The following GAB2 variants were observed in gnomAD, a reference collection of about 807,000 sequenced individuals.
GAB2 encodes GRB2-associated-binding protein 2.
GAB2 carries 26 observed loss-of-function variants against 65.5 expected under a neutral mutation model. The observed-to-expected ratio is 0.40, with a 90% confidence interval of 0.29 to 0.55. The LOEUF (loss-of-function observed/expected upper bound fraction) is 0.55. Among genes scored for constraint, GAB2 ranks in the 20% least tolerant of loss-of-function variants. The pLI is 0.53. For synonymous variants in GAB2, 321 were observed against 329.6 expected (o/e 0.97, Z 0.28); for missense variants, 884 against 875.8 (o/e 1.01, Z -0.12).
At chr11:78,268,924 T>C (rs1865938757) in intron 2 of GAB2, among the ~76,000 whole-genome samples, 1 of 152,078 alleles carries the variant, frequency 6.6e-6, no homozygotes, top group Non-Finnish European at 1.5e-5. Context: ...ATGTCTGAAC[T>C]CACGGCCTGT....
intron 1 of GAB2, among the ~76,000 whole-genome samples, chr11:78,366,899 G>A (rs368316247): frequency 2.0e-5 from 3 of 151,788 alleles, no homozygotes; most frequent in African/African-American, 4.8e-5. Context: ...TATTCACAAA[G>A]TTACATGAGA....
intron 3 of GAB2, among the ~76,000 whole-genome samples, chr11:78,235,721 A>G (rs1280831135): frequency 6.6e-6 from 1 of 152,162 alleles, no homozygotes; most frequent in East Asian, 1.9e-4. Context: ...CCTCATCTCC[A>G]TCTGAGACCA....
intron 1 of GAB2, among the ~76,000 whole-genome samples, chr11:78,366,987 A>T (rs2134723441): frequency 6.6e-6 from 1 of 152,232 alleles, no homozygotes; most frequent in South Asian, 2.1e-4. Flanking sequence ...GATGCAAAAA[A>T]ATACAAGACA....
rs58668713 is a variant in GAB2, at chr11:78,370,712, C to CCTGTGTGTATGTGTGTGTGTGTGT, written c.75+46933_75+46934insACACACACACACACATACACACAG. ...ACTACTAATATTGTATGTGTGTGTG[C>CCTGTGTGTATGTGTGTGTGTGTGT]GTGTGTGTGTGTATGTGTGTGTGTG... On this transcript the variant is annotated intron_variant, in intron 1 of 9. Coordinates refer to ENST00000361507, the MANE Select transcript of GAB2 (RefSeq NM_080491.3). Among the ~76,000 whole-genome samples, 299 of 123,284 alleles carry CCTGTGTGTATGTGTGTGTGTGTGT rather than the reference C, an allele frequency of 2.4e-3. 3 individuals are homozygous for CCTGTGTGTATGTGTGTGTGTGTGT. The highest frequency in any genetic ancestry group is 8.3e-3 in the African/African-American group (289 of 34,640). The allele number at this position is 123,284 out of a possible 152,430, so 80.9% of individuals were successfully genotyped here. A position where few individuals can be genotyped will look rare whatever the true frequency, so the allele number is the denominator to read the frequency against.
At position 78,318,369 on chromosome 11, in the gene GAB2, C is replaced by CAAAAAAAAAAAAAAAAAAAAAAAAAAAA. The variant is rs11272998; in HGVS notation, c.76-37469_76-37468insTTTTTTTTTTTTTTTTTTTTTTTTTTTT. 2.0e-3 allele frequency: 93 copies of CAAAAAAAAAAAAAAAAAAAAAAAAAAAA among 47,628 alleles called. 25 individuals are homozygous for CAAAAAAAAAAAAAAAAAAAAAAAAAAAA. The highest frequency in any genetic ancestry group is 3.0e-3 in the African/African-American group (24 of 8,074). 3.0% of individuals were successfully genotyped at this position (47,628 alleles called of 1,614,324 possible). A position where few individuals can be genotyped will look rare whatever the true frequency, so the allele number is the denominator to read the frequency against. The stretch of plus-strand genomic sequence containing the variant: ...ATTTTGGGATCTGATTGTTAAATGC[C>CAAAAAAAAAAAAAAAAAAAAAAAAAAAA]AAAAAAAAAAAAAAAAAGCTGTGAA... On this transcript the variant is annotated intron_variant, in intron 1 of 9. Transcript: ENST00000361507.
intron 1 of GAB2, among the ~76,000 whole-genome samples, chr11:78,398,249 G>A (rs1205784324): frequency 6.6e-6 from 1 of 152,136 alleles, no homozygotes; most frequent in Non-Finnish European, 1.5e-5. Flanking sequence ...AGTGAACTGT[G>A]GTAATAGTTA....
At chr11:78,280,431 T>C in intron 2 of GAB2, 170 bp downstream of exon 2, 1 of 638,408 alleles carries the variant, frequency 1.6e-6, no homozygotes, top group Non-Finnish European at 2.8e-6. Context: ...AGAGCATAAT[T>C]AGGGCCAGGT....
At chr11:78,405,395 G>A (rs1314873682) in intron 1 of GAB2, among the ~76,000 whole-genome samples, 3 of 152,100 alleles carry the variant, frequency 2.0e-5, no homozygotes, top group African/African-American at 7.2e-5. Context: ...CACCACGCCT[G>A]GCCAAGCACA....
At chr11:78,267,385 C>A (rs1472904158) in intron 2 of GAB2, among the ~76,000 whole-genome samples, 1 of 152,196 alleles carries the variant, frequency 6.6e-6, no homozygotes, top group Admixed American at 6.5e-5. Context: ...ATCACTATTT[C>A]CCAGACTCTT....
intron 1 of GAB2, among the ~76,000 whole-genome samples, chr11:78,350,092 AAGTT>A (rs1565169512): frequency 6.6e-6 from 1 of 152,168 alleles, no homozygotes; most frequent in Non-Finnish European, 1.5e-5. Flanking sequence ...ATTGAAAAAA[AAGTT>A]AGGCAAATGG....
chr11:78,344,931 T>C (rs1322529996), intron 1 of GAB2, among the ~76,000 whole-genome samples: 2 of 152,206 alleles, frequency 1.3e-5, no homozygotes, highest in African/African-American at 2.4e-5. Flanking sequence ...GCCATTAAAT[T>C]ATCCTCAAAT....
chr11:78,367,194 A>C (rs1856508456), intron 1 of GAB2, among the ~76,000 whole-genome samples: 1 of 152,204 alleles, frequency 6.6e-6, no homozygotes, highest in Non-Finnish European at 1.5e-5. Flanking sequence ...TCACAAATAC[A>C]TTCTTCCTCC....
intron 1 of GAB2, among the ~76,000 whole-genome samples, chr11:78,319,691 TTTCA>T (rs1423502626): frequency 6.6e-6 from 1 of 152,212 alleles, no homozygotes; most frequent in Admixed American, 6.5e-5. Context: ...TTTGAGGCCT[TTTCA>T]TTTTTATGAG....
intron 1 of GAB2, among the ~76,000 whole-genome samples, chr11:78,364,937 A>T (rs1856478937): frequency 1.3e-5 from 2 of 152,194 alleles, no homozygotes; most frequent in Non-Finnish European, 2.9e-5. Context: ...TTTTGCAAGT[A>T]GGTGGCAATG....
rs768405453 is a variant in GAB2, at chr11:78,250,303, G to A, written c.474C>T (p.Ser158=). The A allele has an allele frequency of 2.5e-6, 4 of 1,613,596 alleles. No homozygotes were observed. The highest frequency in any genetic ancestry group is 2.5e-6 in the Non-Finnish European group (3 of 1,179,956). The change falls in exon 3 of 10, where the codon TCC becomes TCT. Residue 158 remains serine (S), a synonymous_variant. Coordinates refer to ENST00000361507, the MANE Select transcript of GAB2 (RefSeq NM_080491.3). ...GCTGGCTGGAGTGTGATGGGGCTGAGGACTTGCGCTCTCGGAGAAGGTGCT... is the reference window on the plus strand; with the variant it reads ...GCTGGCTGGAGTGTGATGGGGCTGAAGACTTGCGCTCTCGGAGAAGGTGCT... ...SSQHLLRERK[S]SAPSHSSQPT...
intron 2 of GAB2, among the ~76,000 whole-genome samples, chr11:78,265,162 C>T (rs1981405): frequency 0.12 from 18,490 of 148,422 alleles, 1,715 homozygotes; most frequent in East Asian, 0.39. Context: ...CATATTCATG[C>T]GATTCTAAGA....
intron 1 of GAB2, among the ~76,000 whole-genome samples, chr11:78,323,944 C>G (rs1414902079): frequency 6.6e-6 from 1 of 151,818 alleles, no homozygotes; most frequent in African/African-American, 2.4e-5. Flanking sequence ...ACTACAGGTG[C>G]CTGCCACCAT....
chr11:78,288,814 G>A (rs755566020), intron 1 of GAB2, among the ~76,000 whole-genome samples: 25 of 152,198 alleles, frequency 1.6e-4, no homozygotes, highest in Non-Finnish European at 2.8e-4. Context: ...GTAGATGTAC[G>A]TAAGATTGTT....
At chr11:78,303,851 T>C (rs1855292814) in intron 1 of GAB2, among the ~76,000 whole-genome samples, 2 of 152,324 alleles carry the variant, frequency 1.3e-5, no homozygotes, top group East Asian at 3.9e-4. Context: ...ACAGATGAGC[T>C]GTTGCCAGTC....
Sources: gnomAD v4.1 joint callset for allele counts (sites outside exome capture counted in the v4.1 genomes callset) on GRCh38, gnomAD v4.1.1 for gene constraint, MANE v1.5 for transcripts, NCBI Gene and HGNC (gene_info 2026-07-23, HGNC 2026-07-21) for gene names.